CPED1: variants seen among roughly 807,000 people sequenced by gnomAD.
CPED1 encodes the protein cadherin like and PC-esterase domain containing 1.
In CPED1, 114 loss-of-function variants were observed where a neutral mutation model predicts 128.2. That is an observed-to-expected ratio of 0.89 (90% CI 0.76 to 1.04). CPED1 has a LOEUF of 1.04. Ranked by LOEUF, CPED1 falls within the 50% of genes least tolerant of loss-of-function variation. The pLI is 0.00. For missense variants in CPED1, 1,211 were observed against 1,207.1 expected (o/e 1.00, Z -0.05); for synonymous variants, 462 against 426.7 (o/e 1.08, Z -1.02).
Position 121,267,399 on chromosome 7 carries a change from C to A in CPED1, c.2721+97C>A, listed in dbSNP as rs1424363011. On this transcript the variant is annotated intron_variant, in intron 21 of 22. Coordinates refer to ENST00000310396, the MANE Select transcript of CPED1 (RefSeq NM_024913.5). ...AAGGCACTATATAATATTGAGCAAC[C>A]TTCATGAAAGTAAAAAAAAGAGATT... 9.0e-6 allele frequency: 5 copies of A among 554,242 alleles called. No individual in the cohort carries two copies. In the South Asian group the frequency reaches 2.0e-4, roughly 22 times the overall value. 34.3% of individuals were successfully genotyped at this position (554,242 alleles called of 1,614,324 possible). A position where few individuals can be genotyped will look rare whatever the true frequency, so the allele number is the denominator to read the frequency against.
At chr7:121,283,055 A>T (rs1020713055) in intron 22 of CPED1, among the ~76,000 whole-genome samples, 1 of 152,248 alleles carries the variant, frequency 6.6e-6, no homozygotes, top group Non-Finnish European at 1.5e-5. Flanking sequence ...ACAATTAAAA[A>T]TAAGTATATA....
At chr7:121,208,638 T>C (rs1797574073) in intron 16 of CPED1, among the ~76,000 whole-genome samples, 1 of 152,026 alleles carries the variant, frequency 6.6e-6, no homozygotes, top group African/African-American at 2.4e-5. Context: ...AGCTCCACAC[T>C]TAACCACTGT....
chr7:121,017,397 A>G (rs1237531391), intron 3 of CPED1, among the ~76,000 whole-genome samples: 1 of 152,186 alleles, frequency 6.6e-6, no homozygotes, highest in African/African-American at 2.4e-5. Context: ...GGATACCCAT[A>G]AATGATACTT....
chr7:121,222,474 TTTTCCA>T (rs1797904560), intron 16 of CPED1, among the ~76,000 whole-genome samples: 1 of 152,198 alleles, frequency 6.6e-6, no homozygotes, highest in South Asian at 2.1e-4. Flanking sequence ...TTAGAGTACT[TTTTCCA>T]ATTCTGTGAA....
chr7:121,159,172 GTTGCTT>G (rs915626052), intron 16 of CPED1, among the ~76,000 whole-genome samples: 26 of 152,130 alleles, frequency 1.7e-4, no homozygotes, highest in Admixed American at 1.5e-3. Flanking sequence ...GACTTCAAAA[GTTGCTT>G]TTGCAGACCC....
intron 3 of CPED1, among the ~76,000 whole-genome samples, chr7:121,042,644 T>G (rs1010228564): frequency 6.6e-6 from 1 of 152,180 alleles, no homozygotes; most frequent in African/African-American, 2.4e-5. Context: ...CACCACTAAC[T>G]GGAACGGCGA....
intron 17 of CPED1, among the ~76,000 whole-genome samples, chr7:121,242,006 A>G (rs1798407154): frequency 6.6e-6 from 1 of 152,172 alleles, no homozygotes; most frequent in East Asian, 1.9e-4. Flanking sequence ...TCTGGGGTAC[A>G]ATCTGGGTGT....
intron 18 of CPED1, among the ~76,000 whole-genome samples, chr7:121,264,354 CAAG>C (rs1258650669): frequency 6.6e-6 from 1 of 151,908 alleles, no homozygotes; most frequent in Non-Finnish European, 1.5e-5. Context: ...GAAATGTAGA[CAAG>C]AAAATCAAAC....
In CPED1 at chr7:121,266,325, T is replaced by C; in HGVS notation, c.2409T>C (p.Thr803=). 6.2e-7 allele frequency: 1 copy of C among 1,613,214 alleles called. No homozygotes were observed. The highest frequency in any genetic ancestry group is 8.5e-7 in the Non-Finnish European group (1 of 1,179,402). ...TLQEWQKVHG[T]KFYHNVNGGK... Reference sequence around the variant, plus strand: ...AGGAATGGCAGAAAGTACATGGCACTAAATTCTATCACAACGTCAATGGTG... The same window carrying C: ...AGGAATGGCAGAAAGTACATGGCACCAAATTCTATCACAACGTCAATGGTG... Residue 803 remains threonine (T), a synonymous_variant, in exon 19 of 23, where the codon ACT becomes ACC. Transcript: ENST00000310396.
At chr7:121,092,516 T>G (rs2116192030) in intron 5 of CPED1, among the ~76,000 whole-genome samples, 1 of 152,306 alleles carries the variant, frequency 6.6e-6, no homozygotes, top group African/African-American at 2.4e-5. Context: ...TCATGGAGCT[T>G]ATAGTCTAGT....
chr7:121,129,522 T>C (rs573670484), intron 11 of CPED1, among the ~76,000 whole-genome samples: 1 of 151,450 alleles, frequency 6.6e-6, no homozygotes. Flanking sequence ...AACGTATAAG[T>C]ATTACATTCA....
intron 16 of CPED1, among the ~76,000 whole-genome samples, chr7:121,189,592 G>C (rs923860417): frequency 6.6e-6 from 1 of 151,632 alleles, no homozygotes; most frequent in Non-Finnish European, 1.5e-5. Context: ...GGGGGACAGA[G>C]CCAAACCGTA....
intron 22 of CPED1, among the ~76,000 whole-genome samples, chr7:121,286,950 C>A (rs1207646074): frequency 6.6e-6 from 1 of 152,082 alleles, no homozygotes; most frequent in Admixed American, 6.6e-5. Context: ...GAAGCAGGCA[C>A]CTTCTTCACA....
chr7:121,245,901 A>G (rs1406633038), intron 18 of CPED1, among the ~76,000 whole-genome samples: 2 of 151,984 alleles, frequency 1.3e-5, no homozygotes, highest in Non-Finnish European at 2.9e-5. Context: ...TATGTTGGCC[A>G]GGGCTGGTCT....
At chr7:121,070,107 A>T (rs1168179108) in intron 5 of CPED1, among the ~76,000 whole-genome samples, 1 of 151,540 alleles carries the variant, frequency 6.6e-6, no homozygotes, top group African/African-American at 2.4e-5. Flanking sequence ...GTTGTATCAA[A>T]AACAAGACAG....
intron 16 of CPED1, among the ~76,000 whole-genome samples, chr7:121,195,988 C>G (rs549123230): frequency 6.6e-6 from 1 of 152,014 alleles, no homozygotes; most frequent in East Asian, 1.9e-4. Flanking sequence ...CTTAGGTTGC[C>G]GCTTTCCTAG....
intron 18 of CPED1, among the ~76,000 whole-genome samples, chr7:121,247,981 C>T (rs968485280): frequency 6.6e-6 from 1 of 152,210 alleles, no homozygotes; most frequent in African/African-American, 2.4e-5. Flanking sequence ...GCACAGCAGC[C>T]TCCACTGCAC....
Position 120,989,735 on chromosome 7 carries a change from G to A in CPED1, c.114G>A (p.Ser38=). The part of the protein sequence containing the change: ...LFYQTLTLRG[S]RKLTAAAPGA... ...ACCAGACTCTGACCCTCCGAGGGTCGAGGAAGCTCACAGCCGCTGCCCCTG... is the reference window on the plus strand; with the variant it reads ...ACCAGACTCTGACCCTCCGAGGGTCAAGGAAGCTCACAGCCGCTGCCCCTG... The change falls in exon 2 of 23, where the codon TCG becomes TCA. Residue 38 remains serine (S), a synonymous_variant. Transcript: ENST00000310396. 2 of 1,613,816 alleles carry A rather than the reference G, an allele frequency of 1.2e-6. No individual in the cohort carries two copies. The highest frequency in any genetic ancestry group is 2.2e-5 in the East Asian group (1 of 44,856).
chr7:121,170,840 C>T (rs1054837096), intron 16 of CPED1, among the ~76,000 whole-genome samples: 1 of 151,972 alleles, frequency 6.6e-6, no homozygotes, highest in Non-Finnish European at 1.5e-5. Flanking sequence ...CACCTGAGGT[C>T]GGGAGTTCCA....
Sources: gnomAD v4.1 joint callset for allele counts (sites outside exome capture counted in the v4.1 genomes callset) on GRCh38, gnomAD v4.1.1 for gene constraint, MANE v1.5 for transcripts, NCBI Gene and HGNC (gene_info 2026-07-23, HGNC 2026-07-21) for gene names.